Variants in PTPRD observed in about 807,000 individuals in gnomAD.
The protein encoded by PTPRD is receptor-type tyrosine-protein phosphatase delta.
In PTPRD, 34 loss-of-function variants were observed where a neutral mutation model predicts 214.5. That is an observed-to-expected ratio of 0.16 (90% CI 0.12 to 0.21). The LOEUF is 0.21. Ranked by LOEUF, PTPRD falls within the 10% of genes least tolerant of loss-of-function variation. The probability of loss-of-function intolerance (pLI) is 1.00; values close to 1 mark genes in which losing one functional copy is unlikely to be tolerated. For missense variants in PTPRD, 2,545 were observed against 2,398.7 expected, an observed-to-expected ratio of 1.06 and a Z score of -1.27; for synonymous variants, 1,128 against 845.7, an observed-to-expected ratio of 1.33 and a Z score of -5.79.
intron 7 of PTPRD, among the ~76,000 whole-genome samples, chr9:9,596,796 A>T (rs967268301): frequency 3.9e-5 from 6 of 152,076 alleles, no homozygotes; most frequent in African/African-American, 1.4e-4. Flanking sequence ...AAACATTTGC[A>T]AATATAGAAA....
intron 3 of PTPRD, among the ~76,000 whole-genome samples, chr9:10,199,903 G>GCGCACACA (rs1554837908): frequency 1.0e-4 from 15 of 149,336 alleles, no homozygotes; most frequent in African/African-American, 3.5e-4. Flanking sequence ...GCACTCGCGC[G>GCGCACACA]CACACACGCA....
intron 2 of PTPRD, among the ~76,000 whole-genome samples, chr9:10,518,683 C>G (rs563896112): frequency 1.3e-5 from 2 of 152,016 alleles, no homozygotes; most frequent in Non-Finnish European, 2.9e-5. Context: ...CAGGCGCCCG[C>G]CACCACACCC....
At chr9:9,502,028 A>G (rs2096433230) in intron 8 of PTPRD, among the ~76,000 whole-genome samples, 1 of 151,840 alleles carries the variant, frequency 6.6e-6, no homozygotes, top group Non-Finnish European at 1.5e-5. Flanking sequence ...TTGGAGATAC[A>G]TACACACCCA....
intron 7 of PTPRD, among the ~76,000 whole-genome samples, chr9:9,658,708 T>C (rs1361332142): frequency 1.3e-5 from 2 of 152,298 alleles, no homozygotes; most frequent in African/African-American, 2.4e-5. Flanking sequence ...TAAGATATTT[T>C]ATCCTGGTCA....
intron 11 of PTPRD, among the ~76,000 whole-genome samples, chr9:8,875,107 T>C (rs1348834464): frequency 6.6e-6 from 1 of 152,138 alleles, no homozygotes; most frequent in East Asian, 1.9e-4. Context: ...TAATCCCCCT[T>C]TAAAGTTTTG....
At chr9:8,688,435 G>C (rs1044843602) in intron 12 of PTPRD, among the ~76,000 whole-genome samples, 1 of 151,904 alleles carries the variant, frequency 6.6e-6, no homozygotes, top group Non-Finnish European at 1.5e-5. Flanking sequence ...CGTGGTGGTG[G>C]GCGCCTGTAG....
chr9:8,592,939 A>G (rs1041276191), intron 14 of PTPRD, among the ~76,000 whole-genome samples: 4 of 152,224 alleles, frequency 2.6e-5, no homozygotes, highest in African/African-American at 9.6e-5. Context: ...GGACAATATA[A>G]ACAAATATGA....
chr9:9,511,260 C>A (rs926627723), intron 8 of PTPRD, among the ~76,000 whole-genome samples: 1 of 151,638 alleles, frequency 6.6e-6, no homozygotes, highest in African/African-American at 2.4e-5. Flanking sequence ...GTAAAGAGTA[C>A]ACGTACTGAT....
chr9:9,674,931 A>C (rs1385717258), intron 7 of PTPRD, among the ~76,000 whole-genome samples: 1 of 151,888 alleles, frequency 6.6e-6, no homozygotes, highest in African/African-American at 2.4e-5. Context: ...AAGACAAAAA[A>C]AAGTAGTTTA....
chr9:8,613,388 C>T (rs2095514053), intron 14 of PTPRD, among the ~76,000 whole-genome samples: 1 of 152,166 alleles, frequency 6.6e-6, no homozygotes, highest in Admixed American at 6.5e-5. Context: ...CTTACTTTGC[C>T]TTCCTTCTGG....
intron 10 of PTPRD, among the ~76,000 whole-genome samples, chr9:9,106,486 G>C (rs1305747419): frequency 1.3e-5 from 2 of 151,634 alleles, no homozygotes; most frequent in Non-Finnish European, 2.9e-5. Flanking sequence ...AAAAGAGCAA[G>C]AGTTTGGAAC....
intron 2 of PTPRD, among the ~76,000 whole-genome samples, chr9:10,433,213 T>G (rs931678376): frequency 6.6e-6 from 1 of 151,908 alleles, no homozygotes; most frequent in Non-Finnish European, 1.5e-5. Flanking sequence ...GTCCTTTACT[T>G]TTATCTATTT....
intron 3 of PTPRD, among the ~76,000 whole-genome samples, chr9:10,178,118 T>C (rs2099260180): frequency 6.6e-6 from 1 of 151,960 alleles, no homozygotes; most frequent in Admixed American, 6.6e-5. Flanking sequence ...AAGGACTGGT[T>C]GTCCACCAGA....
chr9:9,511,958 C>T (rs2096720459), intron 8 of PTPRD, among the ~76,000 whole-genome samples: 1 of 151,666 alleles, frequency 6.6e-6, no homozygotes, highest in African/African-American at 2.4e-5. Flanking sequence ...CTACTAGACA[C>T]ATGGTACATA....
At chr9:8,745,538 G>A (rs923783144) in intron 11 of PTPRD, among the ~76,000 whole-genome samples, 2 of 152,252 alleles carry the variant, frequency 1.3e-5, no homozygotes, top group East Asian at 1.9e-4. Context: ...ATTCACAAAT[G>A]AAAGTTTATC....
intron 3 of PTPRD, among the ~76,000 whole-genome samples, chr9:10,332,871 G>A (rs2096776900): frequency 6.6e-6 from 1 of 151,766 alleles, no homozygotes; most frequent in Non-Finnish European, 1.5e-5. Flanking sequence ...AAAAGATGCA[G>A]CCCCCTAACT....
At position 8,616,812 on chromosome 9, in the gene PTPRD, TCTGG is replaced by T. The variant is rs1021755579; in HGVS notation, c.352+16501_352+16504del. Among the ~76,000 whole-genome samples the T allele has an allele frequency of 4.3e-4, 66 of 152,140 alleles. 1 individual carries two copies. The highest frequency in any genetic ancestry group is 1.5e-3 in the African/African-American group (64 of 41,440). ...CTTAGATGTTTTGGATGTGATTTAC[TCTGG>T]CTAAAAATACTAATAATTTAACTAT... On this transcript the variant is annotated intron_variant, in intron 14 of 45. Coordinates refer to ENST00000381196, the MANE Select transcript of PTPRD (RefSeq NM_002839.4).
intron 2 of PTPRD, among the ~76,000 whole-genome samples, chr9:10,420,278 T>C (rs573403233): frequency 6.6e-6 from 1 of 152,044 alleles, no homozygotes; most frequent in East Asian, 2.0e-4. Flanking sequence ...TCCCTCTTAA[T>C]TTTTGGATGA....
intron 9 of PTPRD, among the ~76,000 whole-genome samples, chr9:9,298,573 G>A (rs1431396619): frequency 1.3e-5 from 2 of 151,684 alleles, no homozygotes; most frequent in African/African-American, 4.8e-5. Context: ...GTTGCAGAGG[G>A]AACTTGAAGT....
Sources: allele counts gnomAD v4.1 joint callset (sites outside exome capture counted in the v4.1 genomes callset), GRCh38; gene constraint gnomAD v4.1.1; transcripts MANE v1.5; gene names NCBI Gene and HGNC (gene_info 2026-07-23, HGNC 2026-07-21).